The following C8orf76 variants were observed in gnomAD, a reference collection of about 807,000 sequenced individuals.
C8orf76 encodes the protein uncharacterized protein C8orf76.
Under a neutral mutation model 38.1 loss-of-function variants are expected in C8orf76, and 46 were observed. That is an observed-to-expected ratio of 1.21 (90% confidence interval 0.95 to 1.54). The LOEUF (loss-of-function observed/expected upper bound fraction) is 1.54, where lower values mean the gene tolerates loss of function less well. Among genes scored for constraint, C8orf76 ranks in the 40% most tolerant of loss-of-function variants. The probability of loss-of-function intolerance (pLI) is 0.00; values close to 1 mark genes in which losing one functional copy is unlikely to be tolerated. For synonymous variants in C8orf76, 166 were observed against 167.5 expected (o/e 0.99, Z 0.07); for missense variants, 461 against 441.6 (o/e 1.04, Z -0.39).
intron 1 of C8orf76, 125 bp from the exon 2 acceptor site, chr8:123,239,269 G>T: frequency 9.7e-7 from 1 of 1,035,430 alleles, no homozygotes; most frequent in Non-Finnish European, 1.4e-6. Flanking sequence ...GTCTGGCCAG[G>T]TTAGTCTTGA....
chr8:123,220,647 G>A (rs1047588976), intron 5 of C8orf76, among the ~76,000 whole-genome samples: 4 of 152,140 alleles, frequency 2.6e-5, no homozygotes, highest in Admixed American at 1.3e-4. Context: ...TTGTTTCAAA[G>A]AGCATATTCT....
chr8:123,229,920 G>A (rs909260284), intron 4 of C8orf76, among the ~76,000 whole-genome samples: 12 of 152,272 alleles, frequency 7.9e-5, no homozygotes, highest in African/African-American at 2.2e-4. Context: ...AGGAGGCTGA[G>A]GCAGGGGAAT....
At chr8:123,224,261 A>C (rs1410378876) in intron 5 of C8orf76, among the ~76,000 whole-genome samples, 2 of 152,194 alleles carry the variant, frequency 1.3e-5, no homozygotes, top group Non-Finnish European at 2.9e-5. Context: ...AAAGCATGTG[A>C]TCATAGAATA....
Position 123,240,014 on chromosome 8 carries a change from C to G in C8orf76, c.118-870G>C, listed in dbSNP as rs546106594. 7 of 151,596 alleles carry G rather than the reference C, an allele frequency of 4.6e-5. No individual in the cohort carries two copies. In the East Asian group the frequency reaches 1.4e-3, roughly 29 times the overall value. 9.4% of individuals were successfully genotyped at this position (151,596 alleles called of 1,614,324 possible). ...AAAAAAAAAAAGAAAAGAAAAAAAT[C>G]ACTTCATTTTAGAATTTATATTAAA... On this transcript the variant is annotated intron_variant, in intron 1 of 5. Transcript: ENST00000276704.
chr8:123,221,638 G>C (rs565383516), intron 5 of C8orf76, among the ~76,000 whole-genome samples: 2 of 152,206 alleles, frequency 1.3e-5, no homozygotes, highest in African/African-American at 4.8e-5. Context: ...GTTTCATCAT[G>C]TTGGCCAGGC....
intron 4 of C8orf76, among the ~76,000 whole-genome samples, chr8:123,230,782 T>G (rs928753172): frequency 4.6e-5 from 7 of 152,158 alleles, no homozygotes; most frequent in African/African-American, 1.4e-4. Context: ...CCTGAGTAGC[T>G]GGGACTACAG....
At chr8:123,239,780 G>C (rs1162495007) in intron 1 of C8orf76, 2 of 152,104 alleles carry the variant, frequency 1.3e-5, no homozygotes, top group African/African-American at 4.8e-5. Flanking sequence ...CTTGAGGTTA[G>C]GAGTTTGAGA....
intron 5 of C8orf76, among the ~76,000 whole-genome samples, chr8:123,224,034 C>T (rs186043317): frequency 2.0e-5 from 3 of 151,580 alleles, no homozygotes; most frequent in Admixed American, 6.6e-5. Context: ...ATGGTCATGG[C>T]GGCACAACAC....
At position 123,232,817 on chromosome 8, in the gene C8orf76, AG is replaced by A. The variant is rs61208087; in HGVS notation, c.358-1061del. On this transcript the variant is annotated intron_variant, in intron 3 of 5. Coordinates refer to ENST00000276704, the MANE Select transcript of C8orf76 (RefSeq NM_032847.3). The stretch of plus-strand genomic sequence containing the variant: ...ATCTGTCCTTCCCAACAGACCATTT[AG>A]CTCCATAAGAGCTTTTGTTCAATGT... Among the ~76,000 whole-genome samples, 1,325 of 152,292 alleles carry A rather than the reference AG, an allele frequency of 8.7e-3. 15 individuals are homozygous for A. Among genetic ancestry groups the A allele is most frequent in the African/African-American group, 0.03 (1,245 of 41,560 alleles).
At chr8:123,225,991 G>A (rs1038935836) in intron 5 of C8orf76, among the ~76,000 whole-genome samples, 14 of 151,988 alleles carry the variant, frequency 9.2e-5, no homozygotes, top group Admixed American at 2.0e-4. Flanking sequence ...GAATTTCTAT[G>A]CAACCATCAA....
At chr8:123,234,297 TAC>T (rs769986599) in intron 3 of C8orf76, among the ~76,000 whole-genome samples, 16 of 152,060 alleles carry the variant, frequency 1.1e-4, no homozygotes, top group African/African-American at 3.9e-4. Flanking sequence ...GCAGGAGAGC[TAC>T]AGTCAGTTAT....
Position 123,220,059 on chromosome 8 carries a change from T to A in C8orf76, c.*44A>T. ...TCCTGTCTGAAGTAAACAAGGACAATTAATACAGTACAAGATATTTGTGGT... is the reference window on the plus strand; with the variant it reads ...TCCTGTCTGAAGTAAACAAGGACAAATAATACAGTACAAGATATTTGTGGT... On this transcript the variant is annotated 3_prime_UTR_variant, in exon 6 of 6. Transcript: ENST00000276704. The A allele has an allele frequency of 8.3e-7, 1 of 1,203,174 alleles. No individual in the cohort carries two copies. The highest frequency in any genetic ancestry group is 1.2e-6 in the Non-Finnish European group (1 of 849,852). 74.5% of individuals were successfully genotyped at this position (1,203,174 alleles called of 1,614,324 possible). A position where few individuals can be genotyped will look rare whatever the true frequency, so the allele number is the denominator to read the frequency against.
At chr8:123,237,039 TGGTGCTGCGCCTGCGA>T in intron 3 of C8orf76, 1 of 1,381,620 alleles carries the variant, frequency 7.2e-7, no homozygotes, top group Non-Finnish European at 1.0e-6. Context: ...ACCCTGCACC[TGGTGCTGCGCCTGCGA>T]GGTGGCATTA....
chr8:123,237,922 G>A lies in C8orf76; in HGVS notation c.233C>T (p.Ser78Phe). 1 of 1,613,618 alleles carries A rather than the reference G, an allele frequency of 6.2e-7. No homozygotes were observed. The highest frequency in any genetic ancestry group is 8.5e-7 in the Non-Finnish European group (1 of 1,179,852). Residue 78 changes from serine to phenylalanine, a missense_variant, in exon 3 of 6, where the codon TCC becomes TTC. Coordinates refer to ENST00000276704, the MANE Select transcript of C8orf76 (RefSeq NM_032847.3). ...TGATGACAATTTTTCAGAGATACTG[G>A]AATACTCCTGCAGTGCTTTCTGGAA... ...QEYQKALQEYSSISEKLSSTN... is the reference protein window; with the variant it reads ...QEYQKALQEYFSISEKLSSTN...
At chr8:123,226,904 GAAAAGAGCTTCCGGCCTC>G (rs1040273617) in intron 4 of C8orf76, among the ~76,000 whole-genome samples, 4 of 152,182 alleles carry the variant, frequency 2.6e-5, no homozygotes, top group African/African-American at 7.2e-5. Flanking sequence ...AGCAACACCT[GAAAAGAGCTTCCGGCCTC>G]AAAAGAGCTT....
intron 3 of C8orf76, among the ~76,000 whole-genome samples, chr8:123,233,012 AT>A (rs561483349): frequency 2.3e-4 from 35 of 151,992 alleles, no homozygotes; most frequent in Non-Finnish European, 4.7e-4. Flanking sequence ...AGGGCTTTAT[AT>A]TGTTCAAAAA....
At chr8:123,233,206 A>G (rs1202839660) in intron 3 of C8orf76, among the ~76,000 whole-genome samples, 1 of 151,684 alleles carries the variant, frequency 6.6e-6, no homozygotes, top group Non-Finnish European at 1.5e-5. Flanking sequence ...TAAAGTAAAG[A>G]CAGGGTTTTG....
chr8:123,239,658 T>TA (rs1825613189), intron 1 of C8orf76: 1 of 152,662 alleles, frequency 6.6e-6, no homozygotes, highest in African/African-American at 2.4e-5. Flanking sequence ...ATCCTATGGA[T>TA]AAAAAGGAAA....
chr8:123,225,590 T>TAAAGAAACACAGGAGAAA (rs138836795), intron 5 of C8orf76, among the ~76,000 whole-genome samples: 1 of 152,026 alleles, frequency 6.6e-6, no homozygotes, highest in African/African-American at 2.4e-5. Context: ...AGAGGAACGT[T>TAAAGAAACACAGGAGAAA]AAGAAACACA....
Sources: gnomAD v4.1 joint callset for allele counts (sites outside exome capture counted in the v4.1 genomes callset) on GRCh38, gnomAD v4.1.1 for gene constraint, MANE v1.5 for transcripts, NCBI Gene and HGNC (gene_info 2026-07-23, HGNC 2026-07-21) for gene names.